The following CADPS2 variants were observed in gnomAD, a reference collection of about 807,000 sequenced individuals.
CADPS2 encodes calcium-dependent secretion activator 2.
CADPS2 carries 93 observed loss-of-function variants against 172.5 expected under a neutral mutation model. The observed-to-expected ratio is 0.54, with a 90% CI of 0.46 to 0.64. The LOEUF (loss-of-function observed/expected upper bound fraction) is 0.64, where lower values mean the gene tolerates loss of function less well. CADPS2 is among the 30% of genes least tolerant of loss of function. The pLI is 0.00. For synonymous variants in CADPS2, 546 were observed against 555.2 expected, an observed-to-expected ratio of 0.98 and a Z score of 0.23; for missense variants, 1,420 against 1,565.9, an observed-to-expected ratio of 0.91 and a Z score of 1.57.
chr7:122,665,679 G>T (rs2081117573), intron 2 of CADPS2, among the ~76,000 whole-genome samples: 1 of 152,152 alleles, frequency 6.6e-6, no homozygotes, highest in Non-Finnish European at 1.5e-5. Flanking sequence ...CGGCTGTATA[G>T]GCAGTCAAAA....
At chr7:122,511,876 T>A (rs909728960) in intron 9 of CADPS2, among the ~76,000 whole-genome samples, 1 of 152,164 alleles carries the variant, frequency 6.6e-6, no homozygotes, top group Non-Finnish European at 1.5e-5. Context: ...TTTTAATTCA[T>A]GCACCAATGT....
chr7:122,647,430 C>T (rs1004986773), intron 3 of CADPS2, among the ~76,000 whole-genome samples: 1 of 152,048 alleles, frequency 6.6e-6, no homozygotes, highest in Non-Finnish European at 1.5e-5. Flanking sequence ...ATACTTTGCA[C>T]GTAGGCAATG....
At chr7:122,666,099 A>G (rs575023429) in intron 2 of CADPS2, among the ~76,000 whole-genome samples, 25 of 152,316 alleles carry the variant, frequency 1.6e-4, no homozygotes, top group African/African-American at 5.5e-4. Flanking sequence ...TATAACCTGC[A>G]TAAGTATTTA....
chr7:122,539,753 C>CTCTCTCTCCCTGTT (rs145831752), intron 8 of CADPS2, among the ~76,000 whole-genome samples: 6 of 151,534 alleles, frequency 4.0e-5, no homozygotes, highest in Non-Finnish European at 5.9e-5. Context: ...CTCTCTCTGT[C>CTCTCTCTCCCTGTT]TCTCTCTGTC....
At chr7:122,534,022 A>G (rs938763192) in intron 8 of CADPS2, among the ~76,000 whole-genome samples, 1 of 152,114 alleles carries the variant, frequency 6.6e-6, no homozygotes, top group Non-Finnish European at 1.5e-5. Context: ...AGCTACTAAC[A>G]TGCACCCAAG....
intron 2 of CADPS2, among the ~76,000 whole-genome samples, chr7:122,685,292 G>A (rs1223797578): frequency 1.3e-5 from 2 of 152,286 alleles, no homozygotes; most frequent in South Asian, 2.1e-4. Flanking sequence ...AACAACATCT[G>A]CAAAGTTGTT....
intron 7 of CADPS2, among the ~76,000 whole-genome samples, chr7:122,575,395 A>T (rs1471417022): frequency 1.3e-5 from 2 of 151,714 alleles, no homozygotes; most frequent in Non-Finnish European, 1.5e-5. Context: ...AATTGAAGTG[A>T]TGTAAGGAAA....
chr7:122,772,637 A>G (rs1032556805), intron 1 of CADPS2, among the ~76,000 whole-genome samples: 1 of 152,262 alleles, frequency 6.6e-6, no homozygotes, highest in East Asian at 1.9e-4. Context: ...CACAAACTAA[A>G]ATACAAAAAA....
At chr7:122,668,374 C>T (rs2081401207) in intron 2 of CADPS2, among the ~76,000 whole-genome samples, 1 of 141,184 alleles carries the variant, frequency 7.1e-6, no homozygotes, top group African/African-American at 2.7e-5. Context: ...AGTTTCGGTA[C>T]AGGTCAGGTT....
chr7:122,446,442 A>G (rs983148073), intron 15 of CADPS2, among the ~76,000 whole-genome samples: 1 of 151,908 alleles, frequency 6.6e-6, no homozygotes, highest in Non-Finnish European at 1.5e-5. Flanking sequence ...AGTTGTGTTA[A>G]TTTTTTTCCC....
chr7:122,539,718 C>G (rs1214860022), intron 8 of CADPS2, among the ~76,000 whole-genome samples: 1 of 143,848 alleles, frequency 7.0e-6, no homozygotes, highest in Non-Finnish European at 1.5e-5. Context: ...AAATGTAAAT[C>G]TTATAACTCT....
At chr7:122,439,763 TA>T (rs2051113251) in intron 16 of CADPS2, among the ~76,000 whole-genome samples, 1 of 152,184 alleles carries the variant, frequency 6.6e-6, no homozygotes, top group South Asian at 2.1e-4. Flanking sequence ...TTGTGCATAG[TA>T]AAAAATATAC....
intron 1 of CADPS2, among the ~76,000 whole-genome samples, chr7:122,835,513 C>T (rs143635520): frequency 5.9e-5 from 9 of 152,242 alleles, no homozygotes; most frequent in South Asian, 2.1e-4. Context: ...TCGAACCCAA[C>T]GCAAAGAAGC....
intron 7 of CADPS2, among the ~76,000 whole-genome samples, chr7:122,578,653 C>T (rs948603505): frequency 6.6e-6 from 1 of 151,902 alleles, no homozygotes; most frequent in Non-Finnish European, 1.5e-5. Context: ...AATGAGGAGT[C>T]TGATTTTTAT....
intron 7 of CADPS2, among the ~76,000 whole-genome samples, chr7:122,556,632 G>A (rs2065062713): frequency 6.6e-6 from 1 of 152,034 alleles, no homozygotes. Context: ...CAAATTAAAG[G>A]CTATCCCAAT....
intron 1 of CADPS2, among the ~76,000 whole-genome samples, chr7:122,840,964 CA>C (rs1315135085): frequency 6.6e-6 from 1 of 151,974 alleles, no homozygotes. Context: ...ATAAGAACAA[CA>C]AAAGTTATAA....
chr7:122,820,460 C>A (rs1802826482), intron 1 of CADPS2, among the ~76,000 whole-genome samples: 1 of 151,444 alleles, frequency 6.6e-6, no homozygotes, highest in Non-Finnish European at 1.5e-5. Flanking sequence ...CCTTCCTAGG[C>A]ATGGTTAGTG....
At chr7:122,407,300 A>G (rs1489897660) in intron 20 of CADPS2, among the ~76,000 whole-genome samples, 1 of 152,210 alleles carries the variant, frequency 6.6e-6, no homozygotes, top group Non-Finnish European at 1.5e-5. Flanking sequence ...CTAGGTTATC[A>G]GACTTCAGTG....
At chr7:122,629,579 C>A (rs186914946) in intron 3 of CADPS2, among the ~76,000 whole-genome samples, 56 of 152,186 alleles carry the variant, frequency 3.7e-4, no homozygotes, top group African/African-American at 1.3e-3. Context: ...AATTAGATTT[C>A]TTGATCATTA....
Sources: allele counts gnomAD v4.1 joint callset (sites outside exome capture counted in the v4.1 genomes callset), GRCh38; gene constraint gnomAD v4.1.1; transcripts MANE v1.5; gene names NCBI Gene and HGNC (gene_info 2026-07-23, HGNC 2026-07-21).